NDRG2: variants seen among roughly 807,000 people sequenced by gnomAD.
NDRG2 encodes the protein protein NDRG2.
A neutral mutation model predicts 58.2 loss-of-function variants in NDRG2; 34 were observed. That is an observed-to-expected ratio of 0.58 (90% CI 0.44 to 0.78). NDRG2 has a LOEUF of 0.78. NDRG2 is among the 30% of genes least tolerant of loss of function. NDRG2 has a pLI of 0.00. For missense variants in NDRG2, 434 were observed against 471.2 expected (o/e 0.92, Z 0.73); for synonymous variants, 187 against 175.9 (o/e 1.06, Z -0.50).
rs112892988 is a variant in NDRG2 at position 21,052,869 on chromosome 14, A to C, written c.24+17959T>G. Reference sequence around the variant, plus strand: ...TTAGAAGGTGGTGAGAGTCATCCAGACAGGCAGTGGAAAGGGAGAGAAATA... The same window carrying C: ...TTAGAAGGTGGTGAGAGTCATCCAGCCAGGCAGTGGAAAGGGAGAGAAATA... On this transcript the variant is annotated intron_variant, in intron 1 of 14. Coordinates refer to the NDRG2 transcript ENST00000403829. Among the ~76,000 whole-genome samples the C allele has an allele frequency of 7.7e-3, 1,179 of 152,318 alleles. 19 individuals are homozygous for C. Among genetic ancestry groups the C allele is most frequent in the African/African-American group, 0.027 (1,139 of 41,552 alleles).
Position 21,017,482 on chromosome 14 carries a change from G to A in NDRG2, c.*114C>T, listed in dbSNP as rs772406837. ...AATCAAAGATCAAGGTCATCTCCCC[G>A]CATGATCTGCCCTTTTTCCCTTGCT... On this transcript the variant is annotated 3_prime_UTR_variant, in exon 16 of 16. Coordinates refer to ENST00000556147, the MANE Select transcript of NDRG2 (RefSeq NM_001320329.2). 5.2e-5 allele frequency: 61 copies of A among 1,177,946 alleles called. No homozygotes were observed. Among genetic ancestry groups the A allele is most frequent in the African/African-American group, 9.3e-5 (6 of 64,670 alleles). 73.0% of individuals were successfully genotyped at this position (1,177,946 alleles called of 1,614,324 possible).
rs145686055 is a variant in NDRG2 at position 21,055,172 on chromosome 14, C to T, written c.24+15656G>A. Among the ~76,000 whole-genome samples, 603 of 152,302 alleles carry T rather than the reference C, an allele frequency of 4.0e-3. 4 individuals are homozygous for T. The highest frequency in any genetic ancestry group is 0.014 in the African/African-American group (575 of 41,550). ...TTTTACTTTTGAAATTATTTGACTG[C>T]AAGTAAGTTGTGACTGGCACTGTTC... On this transcript the variant is annotated intron_variant, in intron 1 of 14. Transcript: ENST00000403829.
At chr14:21,065,068 G>C (rs1032891809) in intron 1 of NDRG2, among the ~76,000 whole-genome samples, 7 of 152,222 alleles carry the variant, frequency 4.6e-5, no homozygotes, top group Non-Finnish European at 1.0e-4. Context: ...CTACTTGGGA[G>C]GCTGAGGCAG....
In NDRG2 at chr14:21,033,840, G is replaced by A. The variant is rs142640699; in HGVS notation, c.25-10519C>T. On this transcript the variant is annotated intron_variant, in intron 1 of 14. Coordinates refer to the NDRG2 transcript ENST00000403829. ...GAATTAAATTCCCGAATAGAGACCA[G>A]CGATACCTATTGGATCAGCTTCATA... 553 of 1,612,188 alleles carry A rather than the reference G, an allele frequency of 3.4e-4. 4 individuals are homozygous for A. The highest frequency in any genetic ancestry group is 6.8e-5 in the Non-Finnish European group (80 of 1,178,254).
At chr14:21,069,996 GA>G (rs1379618991) in intron 1 of NDRG2, among the ~76,000 whole-genome samples, 1 of 152,216 alleles carries the variant, frequency 6.6e-6, no homozygotes, top group African/African-American at 2.4e-5. Context: ...GCCGTGGCGG[GA>G]AAAGAGGGGC....
intron 1 of NDRG2, chr14:21,033,688 C>A: frequency 2.8e-6 from 2 of 703,908 alleles, no homozygotes; most frequent in African/African-American, 1.8e-5. Context: ...ATTTTCGCAC[C>A]CACCTGGTCT....
Position 21,070,418 on chromosome 14 carries a change from C to T in NDRG2, c.24+410G>A. 1 of 1,404,886 alleles carries T rather than the reference C, an allele frequency of 7.1e-7. No individual in the cohort carries two copies. The highest frequency in any genetic ancestry group is 9.2e-7 in the Non-Finnish European group (1 of 1,088,498). The allele number at this position is 1,404,886 out of a possible 1,614,324, so 87.0% of individuals were successfully genotyped here. A position where few individuals can be genotyped will look rare whatever the true frequency, so the allele number is the denominator to read the frequency against. ...AGCCATGGTGAGTCCAGCGTCGCAG[C>T]CCCCTGGGTCCCCTCGGCCTTCGCG... On this transcript the variant is annotated intron_variant, in intron 1 of 14. Coordinates refer to the NDRG2 transcript ENST00000403829. This position sits in a 1 kb window ranked among gnomAD's most constrained non-coding sequence, Gnocchi z 4.7.
At chr14:21,056,133 A>G (rs1011862167) in intron 1 of NDRG2, among the ~76,000 whole-genome samples, 1 of 152,126 alleles carries the variant, frequency 6.6e-6, no homozygotes, top group South Asian at 2.1e-4. Context: ...TTTGGAGAGC[A>G]CTTTATCCCA....
chr14:21,020,889 A>C (rs1879810854), intron 6 of NDRG2, 45 bp from the exon 7 acceptor site: 1 of 1,596,826 alleles, frequency 6.3e-7, no homozygotes, highest in Non-Finnish European at 8.6e-7. Flanking sequence ...TCTGCTGTCC[A>C]AAACCTGCCA....
chr14:21,064,175 C>T (rs1022228714), intron 1 of NDRG2, among the ~76,000 whole-genome samples: 4 of 152,062 alleles, frequency 2.6e-5, no homozygotes, highest in Admixed American at 2.0e-4. Context: ...ATTCAAAGTG[C>T]GGAGGAGTAC....
chr14:21,018,966 G>A (rs530292995), intron 11 of NDRG2, 150 bp downstream of exon 11: 4 of 1,256,114 alleles, frequency 3.2e-6, no homozygotes, highest in African/African-American at 3.0e-5. Flanking sequence ...TTCAAAGGGG[G>A]AAGACCTAGA....
intron 5 of NDRG2, 52 bp downstream of exon 5, chr14:21,022,010 C>A: frequency 6.2e-7 from 1 of 1,613,758 alleles, no homozygotes; most frequent in Non-Finnish European, 8.5e-7. Flanking sequence ...ACCTTTCCCG[C>A]ACCTGTCCTG....
At chr14:21,050,462 G>T (rs757278571) in intron 1 of NDRG2, among the ~76,000 whole-genome samples, 11 of 152,112 alleles carry the variant, frequency 7.2e-5, no homozygotes, top group Non-Finnish European at 1.5e-4. Flanking sequence ...CTTTGGTAAG[G>T]GTTACCACTT....
At chr14:21,031,750 G>A (rs1884182066) in intron 1 of NDRG2, 4 of 863,680 alleles carry the variant, frequency 4.6e-6, no homozygotes, top group Non-Finnish European at 7.1e-6. Flanking sequence ...AGCTGTATCT[G>A]GGCCCTAAGA....
intron 1 of NDRG2, among the ~76,000 whole-genome samples, chr14:21,040,319 A>G (rs1272594101): frequency 1.3e-5 from 2 of 152,122 alleles, no homozygotes; most frequent in Non-Finnish European, 2.9e-5. Flanking sequence ...GCTTCTAAAG[A>G]TCCTTCATCC....
At position 21,023,936 on chromosome 14, in the gene NDRG2, A is replaced by G. The variant is rs192910907; in HGVS notation, c.-7+94T>C. On this transcript the variant is annotated intron_variant, in intron 1 of 15. Transcript: ENST00000556147. Reference sequence around the variant, plus strand: ...GACCCTTCCTCCCAACTCTGAATAAACTCCGCAAGTTCAACATTAGTGGGT... The same window carrying G: ...GACCCTTCCTCCCAACTCTGAATAAGCTCCGCAAGTTCAACATTAGTGGGT... 7.7e-4 allele frequency: 759 copies of G among 983,280 alleles called. 1 individual carries two copies. Among genetic ancestry groups the G allele is most frequent in the South Asian group, 9.4e-4 (20 of 21,260 alleles). 60.9% of individuals were successfully genotyped at this position (983,280 alleles called of 1,614,324 possible).
chr14:21,032,992 G>T (rs3748347), intron 1 of NDRG2: 15,687 of 455,826 alleles, frequency 0.034, 644 homozygotes, highest in East Asian at 0.12. Flanking sequence ...TGCCTCATTC[G>T]CTGCCTGGTC....
intron 1 of NDRG2, among the ~76,000 whole-genome samples, chr14:21,060,228 C>G (rs900776387): frequency 2.0e-5 from 3 of 152,204 alleles, no homozygotes; most frequent in Non-Finnish European, 4.4e-5. Context: ...TCCCAGCCCC[C>G]TTCTATGCTT....
At chr14:21,055,902 C>A (rs1011456159) in intron 1 of NDRG2, among the ~76,000 whole-genome samples, 1 of 152,148 alleles carries the variant, frequency 6.6e-6, no homozygotes, top group Admixed American at 6.5e-5. Flanking sequence ...TTGTTCCCTG[C>A]TGCCCAAGTC....
Sources: allele counts gnomAD v4.1 joint callset (sites outside exome capture counted in the v4.1 genomes callset), GRCh38; gene constraint gnomAD v4.1.1; non-coding constraint Gnocchi (gnomAD v3.1); transcripts MANE v1.5; gene names NCBI Gene and HGNC (gene_info 2026-07-23, HGNC 2026-07-21).